Variants in ARID1B observed in about 807,000 individuals in gnomAD.
The protein encoded by ARID1B is AT-rich interaction domain 1B, also known as AT-rich interactive domain-containing protein 1B.
A neutral mutation model predicts 212.3 loss-of-function variants in ARID1B; 30 were observed. The ratio of observed to expected loss-of-function variants is 0.14; its 90% CI spans 0.11 to 0.19. ARID1B has a LOEUF of 0.19. Among genes scored for constraint, ARID1B ranks in the 10% least tolerant of loss-of-function variants. ARID1B has a pLI of 1.00. For missense variants in ARID1B, 2,891 were observed against 3,204.0 expected (o/e 0.90, Z 2.36); for synonymous variants, 1,402 against 1,301.7 (o/e 1.08, Z -1.66).
chr6:156,778,008 G>A lies in ARID1B; in HGVS notation c.328G>A (p.Glu110Lys), dbSNP rs1416207185. The A allele has an allele frequency of 6.5e-7, 1 of 1,532,972 alleles. No homozygotes were observed. The highest frequency in any genetic ancestry group is 8.7e-7 in the Non-Finnish European group (1 of 1,145,348). The allele number at this position is 1,532,972 out of a possible 1,614,324, so 95.0% of individuals were successfully genotyped here. ...KSGGSEAALK[E>K]GGSAAALSSS... is the part of the protein sequence containing the mutation. ...CGGCGGCTCCGAGGCGGCTCTCAAG[G>A]AGGGTGGAAGCGCCGCCGCGCTGTC... The change falls in exon 1 of 20, where the codon GAG (glutamate) becomes AAG (lysine). Residue 110 changes from glutamate (E) to lysine (K), a missense_variant. Glu to Lys is a moderately conservative substitution (Grantham distance 56). This residue lies in a region of ARID1B where 1,643 missense variants were observed against 1,544.0 expected (regional missense o/e 1.06). Coordinates refer to ENST00000636930, the MANE Select transcript of ARID1B (RefSeq NM_001374828.1).
intron 6 of ARID1B, among the ~76,000 whole-genome samples, chr6:157,124,777 T>C (rs897861090): frequency 6.6e-6 from 1 of 151,970 alleles, no homozygotes; most frequent in Non-Finnish European, 1.5e-5. Flanking sequence ...AAAGTGTGGA[T>C]TGTTGAAAAA....
At position 157,207,160 on chromosome 6, in the gene ARID1B, T is replaced by C. The variant is rs747316819; in HGVS notation, c.6388T>C (p.Cys2130Arg). The change falls in exon 20 of 20, where the codon TGC (cysteine) becomes CGC (arginine). Residue 2130 changes from cysteine (C) to arginine (R), a missense_variant. By Grantham distance (180) the Cys-to-Arg change is radical. Coordinates refer to ENST00000636930, the MANE Select transcript of ARID1B (RefSeq NM_001374828.1). This position sits in a 1 kb window ranked among gnomAD's most constrained non-coding sequence, Gnocchi z 8.5. Reference sequence around the variant, plus strand: ...GGAGGATGAGGACAAGGGGGTGGCCTGCAGCAAAGATGAGTGGTGGTGGGA... The same window carrying C: ...GGAGGATGAGGACAAGGGGGTGGCCCGCAGCAAAGATGAGTGGTGGTGGGA... Reference protein sequence around the residue: ...KEEDEDKGVACSKDEWWWDCL... With the variant: ...KEEDEDKGVARSKDEWWWDCL... The C allele has an allele frequency of 6.2e-7, 1 of 1,614,168 alleles. No individual in the cohort carries two copies. Among genetic ancestry groups the C allele is most frequent in the Non-Finnish European group, 8.5e-7 (1 of 1,180,014 alleles).
At chr6:157,076,339 A>T (rs2128443146) in intron 4 of ARID1B, among the ~76,000 whole-genome samples, 1 of 151,136 alleles carries the variant, frequency 6.6e-6, no homozygotes, top group Middle Eastern at 3.4e-3. Context: ...CCAGGAGATG[A>T]GGTCTCACTG....
chr6:157,062,140 A>C (rs6904955), intron 4 of ARID1B, among the ~76,000 whole-genome samples: 41,763 of 151,976 alleles, frequency 0.27, 6,039 homozygotes, highest in Non-Finnish European at 0.31. Flanking sequence ...CTACAACATT[A>C]GATTCTTTTG....
chr6:156,875,735 T>A (rs764858280), intron 2 of ARID1B, among the ~76,000 whole-genome samples: 1 of 152,240 alleles, frequency 6.6e-6, no homozygotes, highest in Non-Finnish European at 1.5e-5. Flanking sequence ...AAGTATGTTT[T>A]CTTTGTCTTA....
chr6:157,179,006 T>C (rs778804805), intron 11 of ARID1B, among the ~76,000 whole-genome samples: 8 of 152,236 alleles, frequency 5.3e-5, no homozygotes, highest in African/African-American at 9.6e-5. Context: ...ATTTGTCTTA[T>C]CTTTAAACTG....
At chr6:156,855,464 T>C (rs903037120) in intron 2 of ARID1B, among the ~76,000 whole-genome samples, 1 of 152,224 alleles carries the variant, frequency 6.6e-6, no homozygotes, top group East Asian at 1.9e-4. Flanking sequence ...GTCCACTTTG[T>C]GTGTTTCACG....
chr6:156,856,965 G>A (rs1054752684), intron 2 of ARID1B, among the ~76,000 whole-genome samples: 1 of 152,132 alleles, frequency 6.6e-6, no homozygotes, highest in African/African-American at 2.4e-5. Flanking sequence ...CCCCAAGGCT[G>A]GAAGGGTCCA....
rs11449405 is a variant in ARID1B, at chr6:156,796,401, C to CTT, written c.1791+16946_1791+16947dup. ...ATGTGTCTGTAAGACTGGACCTTTA[C>CTT]TTTTTTTTTTTTTTTTTAAACTTAT... On this transcript the variant is annotated intron_variant, in intron 1 of 19. Coordinates refer to ENST00000636930, the MANE Select transcript of ARID1B (RefSeq NM_001374828.1). 1.6e-3 allele frequency among the ~76,000 whole-genome samples: 233 copies of CTT among 142,214 alleles called. 1 individual carries two copies. The highest frequency in any genetic ancestry group is 3.7e-3 in the Middle Eastern group (1 of 272). The allele number at this position is 142,214 out of a possible 152,430, so 93.3% of individuals were successfully genotyped here. A position where few individuals can be genotyped will look rare whatever the true frequency, so the allele number is the denominator to read the frequency against.
chr6:156,877,014 C>G (rs564182906), intron 2 of ARID1B, among the ~76,000 whole-genome samples: 1 of 152,120 alleles, frequency 6.6e-6, no homozygotes, highest in African/African-American at 2.4e-5. Context: ...CCTGCCTCAG[C>G]CTCCCGGAAA....
At chr6:157,199,484 G>A (rs1326840177) in intron 17 of ARID1B, among the ~76,000 whole-genome samples, 7 of 151,844 alleles carry the variant, frequency 4.6e-5, no homozygotes, top group Admixed American at 6.6e-5. Flanking sequence ...ACCGCCCTTC[G>A]TGGTGTGGCT....
At chr6:156,836,380 C>T (rs1783512866) in intron 2 of ARID1B, among the ~76,000 whole-genome samples, 1 of 152,120 alleles carries the variant, frequency 6.6e-6, no homozygotes, top group African/African-American at 2.4e-5. Context: ...CGTGGGCAAG[C>T]GGGGGCAGCT....
rs929542302 is a variant in ARID1B, at chr6:157,201,453, T to G, written c.5228T>G (p.Leu1743Trp). 2 of 1,515,012 alleles carry G rather than the reference T, an allele frequency of 1.3e-6. No individual in the cohort carries two copies. The highest frequency in any genetic ancestry group is 1.4e-5 in the African/African-American group (1 of 71,786). 93.8% of individuals were successfully genotyped at this position (1,515,012 alleles called of 1,614,324 possible). Residue 1743 changes from leucine (L) to tryptophan (W), a missense_variant, in exon 18 of 20, where the codon TTG (leucine) becomes TGG (tryptophan). Transcript: ENST00000636930. This position sits in a 1 kb window ranked among gnomAD's most constrained non-coding sequence, Gnocchi z 5.2. Reference sequence around the variant, plus strand: ...TCAGTAGAAGCATCACAACCAGTCTTGAAACAAAGGCGAAAGATTACCTCC... The same window carrying G: ...TCAGTAGAAGCATCACAACCAGTCTGGAAACAAAGGCGAAAGATTACCTCC... ...PGSVEASQPV[L>W]KQRRKITSKD...
intron 1 of ARID1B, among the ~76,000 whole-genome samples, chr6:156,792,160 GTCTT>G (rs1780054835): frequency 6.6e-6 from 1 of 152,188 alleles, no homozygotes; most frequent in African/African-American, 2.4e-5. Context: ...GCTCTTCTAA[GTCTT>G]TCTCTAAACC....
intron 2 of ARID1B, among the ~76,000 whole-genome samples, chr6:156,881,377 T>C (rs1188803141): frequency 6.6e-6 from 1 of 152,258 alleles, no homozygotes; most frequent in African/African-American, 2.4e-5. Flanking sequence ...TAATTTCTAC[T>C]AGTTTTTGTT....
chr6:157,044,229 AAATAT>A (rs1782076008), intron 4 of ARID1B, among the ~76,000 whole-genome samples: 1 of 152,228 alleles, frequency 6.6e-6, no homozygotes, highest in Non-Finnish European at 1.5e-5. Context: ...AGTCACCCGT[AAATAT>A]AATTTCAAAT....
intron 2 of ARID1B, among the ~76,000 whole-genome samples, chr6:156,851,293 C>T (rs1288835836): frequency 6.6e-6 from 1 of 152,158 alleles, no homozygotes; most frequent in East Asian, 1.9e-4. Context: ...ACCATTCAGT[C>T]GTGAAGGGTT....
At chr6:156,781,531 A>G (rs971554731) in intron 1 of ARID1B, among the ~76,000 whole-genome samples, 2 of 152,168 alleles carry the variant, frequency 1.3e-5, no homozygotes, top group African/African-American at 4.8e-5. Flanking sequence ...AACAATAATC[A>G]TACCTTAGAG....
chr6:156,874,232 T>A (rs752554587), intron 2 of ARID1B, among the ~76,000 whole-genome samples: 8 of 152,126 alleles, frequency 5.3e-5, no homozygotes, highest in Non-Finnish European at 8.8e-5. Context: ...ACCTGGCTAA[T>A]TTTTAAATTT....
Sources: allele counts gnomAD v4.1 joint callset (sites outside exome capture counted in the v4.1 genomes callset), GRCh38; gene constraint gnomAD v4.1.1; regional missense constraint gnomAD v4.1.1; non-coding constraint Gnocchi (gnomAD v3.1); transcripts MANE v1.5; gene names NCBI Gene and HGNC (gene_info 2026-07-23, HGNC 2026-07-21).